The following CSMD3 variants were observed in gnomAD, a reference collection of about 807,000 sequenced individuals.
CSMD3 encodes CUB and sushi domain-containing protein 3.
In CSMD3, 177 loss-of-function variants were observed where a neutral mutation model predicts 435.2. The observed-to-expected ratio is 0.41, with a 90% confidence interval of 0.36 to 0.46. The LOEUF is 0.46. Among genes scored for constraint, CSMD3 ranks in the 20% least tolerant of loss-of-function variants. The probability of loss-of-function intolerance (pLI) is 0.34; values close to 1 mark genes in which losing one functional copy is unlikely to be tolerated. For missense variants in CSMD3, 4,265 were observed against 4,504.6 expected (o/e 0.95, Z 1.52); for synonymous variants, 1,656 against 1,520.5 (o/e 1.09, Z -2.07).
intron 10 of CSMD3, among the ~76,000 whole-genome samples, chr8:112,880,086 C>T (rs2081405141): frequency 6.6e-6 from 1 of 151,844 alleles, no homozygotes; most frequent in South Asian, 2.1e-4. Context: ...ATTAAATATA[C>T]CAAAATATAA....
intron 13 of CSMD3, among the ~76,000 whole-genome samples, chr8:112,777,926 A>G (rs2078285807): frequency 6.6e-6 from 1 of 151,880 alleles, no homozygotes; most frequent in African/African-American, 2.4e-5. Context: ...AGAAAATCAT[A>G]TTAAATATAT....
At chr8:112,991,489 A>G (rs1479547510) in intron 6 of CSMD3, among the ~76,000 whole-genome samples, 3 of 151,854 alleles carry the variant, frequency 2.0e-5, no homozygotes, top group South Asian at 2.1e-4. Context: ...TCTTTCAGAA[A>G]GATGGTTTAT....
intron 24 of CSMD3, among the ~76,000 whole-genome samples, chr8:112,570,187 T>C (rs187971573): frequency 5.0e-4 from 76 of 152,238 alleles, no homozygotes; most frequent in Non-Finnish European, 9.8e-4. Context: ...TGTGGCTTAG[T>C]AGAACTGTTT....
chr8:112,981,996 C>G (rs2085070263), intron 6 of CSMD3, among the ~76,000 whole-genome samples: 1 of 151,684 alleles, frequency 6.6e-6, no homozygotes, highest in Non-Finnish European at 1.5e-5. Context: ...TAAGAGTGTG[C>G]TAGAGAAAAG....
At position 113,407,287 on chromosome 8, in the gene CSMD3, G is replaced by C. The variant is rs910940965; in HGVS notation, c.178+29390C>G. The stretch of plus-strand genomic sequence containing the variant: ...TCTTTTGCTCACTATGTAAAACTTA[G>C]TTTTCAAAGACTGGCAAGTAATAAG... On this transcript the variant is annotated intron_variant, in intron 1 of 70. Transcript: ENST00000297405. Among the ~76,000 whole-genome samples the C allele has an allele frequency of 3.3e-5, 5 of 152,126 alleles. No individual in the cohort carries two copies. The South Asian group carries it at 6.2e-4, about 19-fold the overall frequency.
intron 31 of CSMD3, among the ~76,000 whole-genome samples, chr8:112,491,598 C>T (rs191922393): frequency 5.5e-4 from 83 of 152,074 alleles, no homozygotes; most frequent in East Asian, 3.9e-4. Context: ...GCAGTGAGCC[C>T]GGATCACGCC....
chr8:113,356,155 A>T (rs1291390009), intron 1 of CSMD3, among the ~76,000 whole-genome samples: 2 of 152,052 alleles, frequency 1.3e-5, no homozygotes, highest in Non-Finnish European at 2.9e-5. Context: ...AAAACTATAG[A>T]ACTATTCATG....
chr8:113,425,062 G>C (rs919823019), intron 1 of CSMD3, among the ~76,000 whole-genome samples: 4 of 151,494 alleles, frequency 2.6e-5, no homozygotes, highest in African/African-American at 7.2e-5. Context: ...GTCTAGGCAA[G>C]AGTCTGATAC....
intron 6 of CSMD3, among the ~76,000 whole-genome samples, chr8:112,998,561 A>C (rs1348633090): frequency 6.6e-6 from 1 of 151,878 alleles, no homozygotes; most frequent in Non-Finnish European, 1.5e-5. Flanking sequence ...CACTCTCTCC[A>C]CAAACCATTT....
At chr8:112,927,291 C>G (rs932154188) in intron 9 of CSMD3, among the ~76,000 whole-genome samples, 2 of 152,102 alleles carry the variant, frequency 1.3e-5, no homozygotes, top group African/African-American at 4.8e-5. Flanking sequence ...AAGCTCTACA[C>G]TGTTAAAGGT....
intron 13 of CSMD3, among the ~76,000 whole-genome samples, chr8:112,762,729 G>C (rs1298126850): frequency 6.6e-6 from 1 of 151,892 alleles, no homozygotes; most frequent in African/African-American, 2.4e-5. Context: ...GTTTCATAAA[G>C]ATAAATTTGA....
At chr8:113,169,266 A>C (rs1227518034) in intron 4 of CSMD3, among the ~76,000 whole-genome samples, 1 of 152,150 alleles carries the variant, frequency 6.6e-6, no homozygotes, top group Non-Finnish European at 1.5e-5. Context: ...GTCAAAGGCA[A>C]CAGTTTCCTC....
chr8:113,278,369 G>A (rs978381052), intron 3 of CSMD3, among the ~76,000 whole-genome samples: 7 of 151,676 alleles, frequency 4.6e-5, no homozygotes, highest in Admixed American at 1.3e-4. Context: ...TTGTTAATTC[G>A]TAACCCTGTA....
intron 3 of CSMD3, among the ~76,000 whole-genome samples, chr8:113,227,540 C>T (rs1038898158): frequency 6.6e-6 from 1 of 151,564 alleles, no homozygotes; most frequent in African/African-American, 2.4e-5. Context: ...TTGTAATCCC[C>T]ATGTGTCAGG....
At chr8:112,719,876 G>A (rs2076819139) in intron 13 of CSMD3, among the ~76,000 whole-genome samples, 1 of 152,134 alleles carries the variant, frequency 6.6e-6, no homozygotes, top group Non-Finnish European at 1.5e-5. Flanking sequence ...GAACAAATAA[G>A]CATAGAAACA....
chr8:112,704,427 A>T (rs1367441294), intron 13 of CSMD3, among the ~76,000 whole-genome samples: 1 of 152,144 alleles, frequency 6.6e-6, no homozygotes, highest in African/African-American at 2.4e-5. Flanking sequence ...CAAGCCATTT[A>T]TATCGTCAAC....
intron 3 of CSMD3, among the ~76,000 whole-genome samples, chr8:113,210,297 T>C (rs2092819053): frequency 6.6e-6 from 1 of 152,100 alleles, no homozygotes; most frequent in South Asian, 2.1e-4. Context: ...CACTGGAATA[T>C]CATAATTTGT....
intron 27 of CSMD3, among the ~76,000 whole-genome samples, chr8:112,517,659 T>C (rs910065268): frequency 3.3e-5 from 5 of 152,094 alleles, no homozygotes; most frequent in Non-Finnish European, 7.4e-5. Context: ...CATGAAAAGA[T>C]GTTGAACATC....
chr8:112,623,267 A>C (rs2131525678), intron 22 of CSMD3, among the ~76,000 whole-genome samples: 1 of 152,248 alleles, frequency 6.6e-6, no homozygotes, highest in South Asian at 2.1e-4. Context: ...CATCAGTTTT[A>C]CCTGTTTTAC....
Sources: allele counts gnomAD v4.1 joint callset (sites outside exome capture counted in the v4.1 genomes callset), GRCh38; gene constraint gnomAD v4.1.1; transcripts MANE v1.5; gene names NCBI Gene and HGNC (gene_info 2026-07-23, HGNC 2026-07-21).